Variants in HEATR4 observed in about 807,000 individuals in gnomAD.
HEATR4 encodes HEAT repeat containing 4.
A neutral mutation model predicts 108.8 loss-of-function variants in HEATR4; 95 were observed. The observed-to-expected ratio is 0.87, with a 90% CI of 0.74 to 1.04. The LOEUF is 1.04. Among genes scored for constraint, HEATR4 ranks in the 50% least tolerant of loss-of-function variants. The probability of loss-of-function intolerance (pLI) is 0.00; values close to 1 mark genes in which losing one functional copy is unlikely to be tolerated. For synonymous variants in HEATR4, 443 were observed against 459.4 expected (o/e 0.96, Z 0.46); for missense variants, 1,152 against 1,253.8 (o/e 0.92, Z 1.23).
chr14:73,574,480 C>T, the HEATR4 span: 1 of 315,710 alleles, frequency 3.2e-6, no homozygotes, highest in South Asian at 3.2e-5. Flanking sequence ...CCAGACTGAT[C>T]TCAAACTCCT....
In HEATR4 at chr14:73,514,296, G is replaced by A. The variant is rs923687302; in HGVS notation, c.1211-62C>T. 9 of 1,461,932 alleles carry A rather than the reference G, an allele frequency of 6.2e-6. No homozygotes were observed. In the South Asian group the frequency reaches 1.1e-4, roughly 17 times the overall value. 90.6% of individuals were successfully genotyped at this position (1,461,932 alleles called of 1,614,324 possible). On this transcript the variant is annotated intron_variant, in intron 5 of 17. Coordinates refer to ENST00000553558, the MANE Select transcript of HEATR4 (RefSeq NM_001220484.1). ...CTGCCTTAGGCCCTGCCACACAGTG[G>A]CCCCAGCTTGCATCCCATTCCTATT...
the HEATR4 span, among the ~76,000 whole-genome samples, chr14:73,605,887 T>C: frequency 6.6e-6 from 1 of 152,118 alleles, no homozygotes; most frequent in African/African-American, 2.4e-5. Context: ...TACAAGATTC[T>C]AACCCTCCCT....
chr14:73,593,574 C>A, the HEATR4 span: 2 of 804,272 alleles, frequency 2.5e-6, no homozygotes, highest in Non-Finnish European at 3.9e-6. Context: ...AACTCCTGGC[C>A]TCAAGCAATC....
chr14:73,535,462 CTTCTTTCTTTTTTTTT>C (rs1888825876), intron 1 of HEATR4, among the ~76,000 whole-genome samples: 1 of 59,330 alleles, frequency 1.7e-5, no homozygotes, highest in Non-Finnish European at 3.8e-5. Flanking sequence ...TTTTCTTTTT[CTTCTTTCTTTTTTTTT>C]TTTTTTTTTT....
At chr14:73,593,974 C>T in the HEATR4 span, 10 of 1,380,288 alleles carry the variant, frequency 7.2e-6, no homozygotes, top group South Asian at 1.5e-5. Flanking sequence ...ACCTTTACCA[C>T]GTGCAGAAAT....
the HEATR4 span, among the ~76,000 whole-genome samples, chr14:73,609,747 TCTC>T: frequency 6.6e-6 from 1 of 152,054 alleles, no homozygotes; most frequent in African/African-American, 2.4e-5. Context: ...TTCAAGCAAT[TCTC>T]CTGCCTCAGC....
chr14:73,616,313 ATAT>A, the HEATR4 span, among the ~76,000 whole-genome samples: 567 of 151,604 alleles, frequency 3.7e-3, 8 homozygotes, highest in Admixed American at 0.026. Flanking sequence ...TGTGAAAATA[ATAT>A]TATTATTATT....
chr14:73,495,430 C>T (rs1267110079), intron 15 of HEATR4, 43 bp from the exon 16 acceptor site: 2 of 1,492,754 alleles, frequency 1.3e-6, no homozygotes, highest in South Asian at 1.2e-5. Context: ...AACAAAACAC[C>T]TGTACTAGGC....
rs1370605407 is a variant in HEATR4 at position 73,523,127 on chromosome 14, G to C, written c.26C>G (p.Thr9Ser). MTRTQKGK[T>S]FLPHCFYQSL... ...CTGATAGAAGCAATGGGGGAGAAAG[G>C]TCTTTCCCTTCTGGGTCCTGGTCAT... Residue 9 changes from threonine (T) to serine (S), a missense_variant, in exon 3 of 18, where the codon ACC becomes AGC. Physicochemically the swap from Thr to Ser is moderately conservative, Grantham distance 58. Transcript: ENST00000553558. The C allele has an allele frequency of 6.2e-7, 1 of 1,603,794 alleles. No individual in the cohort carries two copies. Among genetic ancestry groups the C allele is most frequent in the East Asian group, 2.2e-5 (1 of 44,886 alleles).
chr14:73,602,758 C>T, the HEATR4 span, among the ~76,000 whole-genome samples: 1 of 152,294 alleles, frequency 6.6e-6, no homozygotes, highest in East Asian at 1.9e-4. Context: ...TAAAATATAA[C>T]TTGAAGAAGA....
At chr14:73,608,704 G>T in the HEATR4 span, among the ~76,000 whole-genome samples, 3 of 152,096 alleles carry the variant, frequency 2.0e-5, no homozygotes, top group African/African-American at 7.2e-5. Context: ...TTACAGCAGT[G>T]CCCCACTCTC....
At chr14:73,626,636 T>C in the HEATR4 span, among the ~76,000 whole-genome samples, 1 of 151,332 alleles carries the variant, frequency 6.6e-6, no homozygotes, top group African/African-American at 2.4e-5. Flanking sequence ...AAAACCAGCC[T>C]GGGCAACATA....
the HEATR4 span, among the ~76,000 whole-genome samples, chr14:73,572,723 G>A: frequency 1.4e-5 from 2 of 143,696 alleles, no homozygotes; most frequent in Admixed American, 7.3e-5. Flanking sequence ...TTGGCTCACT[G>A]CAACCTCCAC....
the HEATR4 span, among the ~76,000 whole-genome samples, chr14:73,589,975 G>T: frequency 6.6e-6 from 1 of 152,226 alleles, no homozygotes; most frequent in Non-Finnish European, 1.5e-5. Flanking sequence ...GGCTTCAGAA[G>T]TGAAGCTGCG....
At chr14:73,578,873 CG>C in the HEATR4 span, among the ~76,000 whole-genome samples, 1 of 151,508 alleles carries the variant, frequency 6.6e-6, no homozygotes, top group Admixed American at 6.6e-5. Flanking sequence ...GTCACGAGGT[CG>C]GGAGATCAAG....
chr14:73,632,310 T>C, the HEATR4 span, among the ~76,000 whole-genome samples: 1 of 152,038 alleles, frequency 6.6e-6, no homozygotes, highest in Non-Finnish European at 1.5e-5. Context: ...TATCAATACT[T>C]TCTTCACTGT....
chr14:73,495,446 A>C, intron 15 of HEATR4, 59 bp from the exon 16 acceptor site: 1 of 1,397,692 alleles, frequency 7.2e-7, no homozygotes, highest in Non-Finnish European at 9.9e-7. Context: ...TAGGCAGCAA[A>C]TTATCAAAAA....
chr14:73,592,513 A>C, the HEATR4 span: 52 of 1,350,226 alleles, frequency 3.9e-5, no homozygotes, highest in Non-Finnish European at 4.8e-5. Flanking sequence ...TTGGAGCAAG[A>C]TCAGAGAAGC....
chr14:73,588,773 T>C, the HEATR4 span, among the ~76,000 whole-genome samples: 1 of 152,100 alleles, frequency 6.6e-6, no homozygotes, highest in African/African-American at 2.4e-5. Flanking sequence ...TTCCATCCAA[T>C]ACATTTACTT....
Sources: allele counts gnomAD v4.1 joint callset (sites outside exome capture counted in the v4.1 genomes callset), GRCh38; gene constraint gnomAD v4.1.1; transcripts MANE v1.5; gene names NCBI Gene and HGNC (gene_info 2026-07-23, HGNC 2026-07-21).